Variants in CRTAP observed in about 807,000 individuals in gnomAD.
The protein encoded by CRTAP is cartilage associated protein, also known as cartilage-associated protein.
In CRTAP, 33 loss-of-function variants were observed where a neutral mutation model predicts 42.7. The ratio of observed to expected loss-of-function variants is 0.77; its 90% CI spans 0.59 to 1.03. CRTAP has a LOEUF of 1.03. CRTAP is among the 50% of genes least tolerant of loss of function. The probability of loss-of-function intolerance (pLI) is 0.00; values close to 1 mark genes in which losing one functional copy is unlikely to be tolerated. For synonymous variants in CRTAP, 243 were observed against 217.7 expected (o/e 1.12, Z -1.02); for missense variants, 613 against 533.9 (o/e 1.15, Z -1.46).
intron 6 of CRTAP, among the ~76,000 whole-genome samples, chr3:33,138,722 G>A (rs2030492487): frequency 6.6e-6 from 1 of 152,172 alleles, no homozygotes; most frequent in Admixed American, 6.6e-5. Context: ...AGCAGAGAGA[G>A]TGGGCCTGGC....
At chr3:33,131,897 A>AC (rs2030277536) in intron 4 of CRTAP, among the ~76,000 whole-genome samples, 2 of 152,156 alleles carry the variant, frequency 1.3e-5, no homozygotes, top group African/African-American at 4.8e-5. Context: ...CAGAATACAT[A>AC]CCAGGGGCTT....
chr3:33,115,468 G>T (rs1701332134), intron 1 of CRTAP: 1 of 151,950 alleles, frequency 6.6e-6, no homozygotes, highest in Non-Finnish European at 1.5e-5. Flanking sequence ...GCCACAAATT[G>T]CAGTTCTCTA....
At chr3:33,132,470 T>A in intron 4 of CRTAP, 85 bp from the exon 5 acceptor site, 1 of 1,579,526 alleles carries the variant, frequency 6.3e-7, no homozygotes, top group African/African-American at 1.3e-5. Context: ...AGGGGCTTGT[T>A]CATATGGCCT....
intron 6 of CRTAP, among the ~76,000 whole-genome samples, chr3:33,140,874 A>G (rs2030551793): frequency 6.6e-6 from 1 of 152,344 alleles, no homozygotes; most frequent in South Asian, 2.1e-4. Flanking sequence ...GCCTGCTCCC[A>G]TGGGGGACTC....
intron 2 of CRTAP, among the ~76,000 whole-genome samples, chr3:33,123,261 G>T (rs2029941167): frequency 6.6e-6 from 1 of 152,172 alleles, no homozygotes; most frequent in Admixed American, 6.5e-5. Flanking sequence ...ATATGGTTTG[G>T]ATCTGTGTCT....
intron 3 of CRTAP, among the ~76,000 whole-genome samples, chr3:33,127,865 G>A (rs2030126740): frequency 6.6e-6 from 1 of 152,118 alleles, no homozygotes; most frequent in Non-Finnish European, 1.5e-5. Context: ...TCCTGCCTCA[G>A]CCTCCTGAGT....
intron 1 of CRTAP, 131 bp downstream of exon 1, chr3:33,114,679 T>G: frequency 6.2e-6 from 5 of 800,558 alleles, no homozygotes; most frequent in Non-Finnish European, 9.9e-6. Context: ...CATCCAGCCC[T>G]GCCAAAGGTC....
chr3:33,145,399 G>T lies in CRTAP; in HGVS notation c.*2951G>T, dbSNP rs1191982680. 1 of 152,358 alleles carries T rather than the reference G, an allele frequency of 6.6e-6. No individual in the cohort carries two copies. Among genetic ancestry groups the T allele is most frequent in the East Asian group, 1.9e-4 (1 of 5,192 alleles). The allele number at this position is 152,358 out of a possible 1,614,324, so 9.4% of individuals were successfully genotyped here. On this transcript the variant is annotated 3_prime_UTR_variant, in exon 7 of 7. Transcript: ENST00000320954. The surrounding 1 kb of genome is among the most constrained non-coding windows in gnomAD (Gnocchi z 4.3). ...GTCCACAGCAGCCCCCAATCCCAGC[G>T]ATGCGTCAGATCTTACGTGGCTTCC...
intron 2 of CRTAP, among the ~76,000 whole-genome samples, chr3:33,121,102 A>AG (rs1259740320): frequency 2.6e-5 from 4 of 152,152 alleles, no homozygotes; most frequent in African/African-American, 9.7e-5. Context: ...AAGCAAGGGC[A>AG]GGGCATTGTT....
chr3:33,137,921 C>G (rs2030468948), intron 6 of CRTAP, among the ~76,000 whole-genome samples: 1 of 152,150 alleles, frequency 6.6e-6, no homozygotes, highest in Admixed American at 6.5e-5. Context: ...ATGTGAATAG[C>G]CAGTTGTTAC....
At chr3:33,116,072 G>A (rs1395917906) in intron 1 of CRTAP, among the ~76,000 whole-genome samples, 1 of 152,124 alleles carries the variant, frequency 6.6e-6, no homozygotes, top group Non-Finnish European at 1.5e-5. Flanking sequence ...TGGCAAATAT[G>A]TTCTGAACCA....
At chr3:33,128,425 G>A (rs1262738711) in intron 3 of CRTAP, among the ~76,000 whole-genome samples, 3 of 152,072 alleles carry the variant, frequency 2.0e-5, no homozygotes, top group African/African-American at 7.2e-5. Flanking sequence ...TAATTACTTT[G>A]TCAACATTCC....
intron 4 of CRTAP, among the ~76,000 whole-genome samples, chr3:33,131,972 A>G (rs1038684577): frequency 2.0e-5 from 3 of 151,770 alleles, no homozygotes; most frequent in East Asian, 1.9e-4. Context: ...CAAAATCCCT[A>G]TGCTGAAGGT....
Position 33,142,422 on chromosome 3 carries a change from C to A in CRTAP, c.1180C>A (p.Leu394Ile). Residue 394 changes from leucine to isoleucine, a missense_variant, in exon 7 of 7, where the codon CTC becomes ATC. Physicochemically the swap from Leu to Ile is conservative, Grantham distance 5. Transcript: ENST00000320954. ...EGEVVEYVDD[L>I]LELEETS ...AGAAGTTGTGGAATATGTGGATGAC[C>A]TCTTGGAACTGGAGGAGACCAGCTA... 6.2e-7 allele frequency: 1 copy of A among 1,614,094 alleles called. No homozygotes were observed. The highest frequency in any genetic ancestry group is 8.5e-7 in the Non-Finnish European group (1 of 1,179,970).
chr3:33,133,320 G>A lies in CRTAP; in HGVS notation c.1068+620G>A, dbSNP rs1447231519. Among the ~76,000 whole-genome samples the A allele has an allele frequency of 8.0e-5, 12 of 149,278 alleles. No homozygotes were observed. The East Asian group carries it at 1.2e-3, about 15-fold the overall frequency. On this transcript the variant is annotated intron_variant, in intron 5 of 6. Coordinates refer to ENST00000320954, the MANE Select transcript of CRTAP (RefSeq NM_006371.5). ...GTCACCCAGGCTAGAGTGCAGTGGCGTGATCTTGGCTCACTGCATCCTCTG... is the reference window on the plus strand; with the variant it reads ...GTCACCCAGGCTAGAGTGCAGTGGCATGATCTTGGCTCACTGCATCCTCTG...
At chr3:33,126,767 T>C (rs1644519183) in intron 3 of CRTAP, among the ~76,000 whole-genome samples, 1 of 152,156 alleles carries the variant, frequency 6.6e-6, no homozygotes, top group African/African-American at 2.4e-5. Context: ...TTTTATACAT[T>C]TTAGGGAGAC....
At chr3:33,139,314 A>G (rs1384390584) in intron 6 of CRTAP, among the ~76,000 whole-genome samples, 2 of 152,104 alleles carry the variant, frequency 1.3e-5, no homozygotes, top group Non-Finnish European at 1.5e-5. Context: ...CTGGAAAAAA[A>G]AAGAAGTGGA....
rs138237133 is a variant in CRTAP, at chr3:33,134,803, G to A, written c.1152+538G>A. ...TGGTCACAGAAAAGCCATCATTAGC[G>A]GTAGTATTTAGAGTATTTGTTTGGA... On this transcript the variant is annotated intron_variant, in intron 6 of 6. Transcript: ENST00000320954. Among the ~76,000 whole-genome samples, 908 of 152,180 alleles carry A rather than the reference G, an allele frequency of 6.0e-3. 11 individuals are homozygous for A. The highest frequency in any genetic ancestry group is 0.021 in the African/African-American group (852 of 41,504).
chr3:33,122,683 C>G (rs1166910850), intron 2 of CRTAP, among the ~76,000 whole-genome samples: 1 of 131,396 alleles, frequency 7.6e-6, no homozygotes, highest in South Asian at 2.4e-4. Context: ...GCATTCGAGC[C>G]TGGGCAACAG....
Sources: allele counts gnomAD v4.1 joint callset (sites outside exome capture counted in the v4.1 genomes callset), GRCh38; gene constraint gnomAD v4.1.1; non-coding constraint Gnocchi (gnomAD v3.1); transcripts MANE v1.5; gene names NCBI Gene and HGNC (gene_info 2026-07-23, HGNC 2026-07-21).